Variants in SLC10A6 observed in about 807,000 individuals in gnomAD.
The protein encoded by SLC10A6 is sodium-dependent organic anion transporter.
A neutral mutation model predicts 30.0 loss-of-function variants in SLC10A6; 27 were observed. That is an observed-to-expected ratio of 0.90 (90% CI 0.66 to 1.24). The LOEUF (loss-of-function observed/expected upper bound fraction) is 1.24, where lower values mean the gene tolerates loss of function less well. Among genes scored for constraint, SLC10A6 ranks in the 50% most tolerant of loss-of-function variants. The pLI is 0.00. For synonymous variants in SLC10A6, 166 were observed against 173.8 expected, an observed-to-expected ratio of 0.95 and a Z score of 0.36; for missense variants, 439 against 457.0, an observed-to-expected ratio of 0.96 and a Z score of 0.36.
At chr4:86,826,230 G>A (rs1458324871) in intron 4 of SLC10A6, among the ~76,000 whole-genome samples, 2 of 152,100 alleles carry the variant, frequency 1.3e-5, no homozygotes, top group South Asian at 2.1e-4. Flanking sequence ...AAAGAAAAAC[G>A]TATATATATT....
At chr4:86,846,941 C>T (rs982008266) in intron 1 of SLC10A6, among the ~76,000 whole-genome samples, 5 of 152,104 alleles carry the variant, frequency 3.3e-5, no homozygotes, top group Non-Finnish European at 7.3e-5. Flanking sequence ...CATAGGTTTC[C>T]TGTTCATTGG....
At chr4:86,824,158 TATTCATTCATTC>T (rs70953605) in intron 5 of SLC10A6, among the ~76,000 whole-genome samples, 4 of 151,936 alleles carry the variant, frequency 2.6e-5, no homozygotes, top group South Asian at 2.1e-4. Flanking sequence ...CACACTCATA[TATTCATTCATTC>T]ATTCATTCAT....
At chr4:86,841,862 A>T (rs953360027) in intron 1 of SLC10A6, among the ~76,000 whole-genome samples, 3 of 152,230 alleles carry the variant, frequency 2.0e-5, no homozygotes, top group Non-Finnish European at 4.4e-5. Context: ...CTATAAGATC[A>T]TACCAACAGA....
chr4:86,842,562 C>G (rs1417713413), intron 1 of SLC10A6, among the ~76,000 whole-genome samples: 1 of 152,092 alleles, frequency 6.6e-6, no homozygotes, highest in Non-Finnish European at 1.5e-5. Flanking sequence ...TATGATGGCG[C>G]ATGCCTATAG....
chr4:86,825,705 G>T, intron 4 of SLC10A6, 128 bp from the exon 5 acceptor site: 4 of 1,016,386 alleles, frequency 3.9e-6, no homozygotes, highest in Non-Finnish European at 5.4e-6. Context: ...TCATTCCATA[G>T]TTATTTGCTG....
intron 2 of SLC10A6, among the ~76,000 whole-genome samples, chr4:86,832,610 AC>A (rs1746099716): frequency 6.6e-6 from 1 of 152,090 alleles, no homozygotes; most frequent in African/African-American, 2.4e-5. Context: ...AAACAAAAAA[AC>A]ATAGTGCCTA....
intron 5 of SLC10A6, among the ~76,000 whole-genome samples, chr4:86,825,028 T>C (rs868719429): frequency 6.6e-6 from 1 of 152,200 alleles, no homozygotes; most frequent in African/African-American, 2.4e-5. Context: ...TTGAAATAAC[T>C]TGGCATTTGG....
At chr4:86,842,852 TTCTTTCTTTCTTTCTTTCTTTC>T in intron 1 of SLC10A6, among the ~76,000 whole-genome samples, 7 of 48,788 alleles carry the variant, frequency 1.4e-4, no homozygotes, top group African/African-American at 3.7e-4. Context: ...CTTTCTTTCT[TTCTTTCTTTCTTTCTTTCTTTC>T]TTTTTTTTTT....
Position 86,842,847 on chromosome 4 carries a change from TTTCTTTCTTTCTTTCTTTCTTTCTTTC to T in SLC10A6, c.377+5865_377+5891del, listed in dbSNP as rs1746323038. Among the ~76,000 whole-genome samples the T allele has an allele frequency of 9.3e-5, 5 of 53,850 alleles. 1 individual carries two copies. Among genetic ancestry groups the T allele is most frequent in the Admixed American group, 1.7e-4 (1 of 5,824 alleles). The allele number at this position is 53,850 out of a possible 152,430, so 35.3% of individuals were successfully genotyped here. A position where few individuals can be genotyped will look rare whatever the true frequency, so the allele number is the denominator to read the frequency against. On this transcript the variant is annotated intron_variant, in intron 1 of 5. Transcript: ENST00000273905. ...CTTTCTTTCTTTCTTTCTTTCTTTC[TTTCTTTCTTTCTTTCTTTCTTTCTTTC>T]TTTTTTTTTTTGAGATGGAGTCTCG...
At chr4:86,832,017 GC>G in intron 2 of SLC10A6, 137 bp from the exon 3 acceptor site, 1 of 706,078 alleles carries the variant, frequency 1.4e-6, no homozygotes, top group Non-Finnish European at 2.4e-6. Flanking sequence ...CTGGATAAAT[GC>G]CTACAATATT....
chr4:86,837,345 G>T (rs1746219622), intron 1 of SLC10A6, among the ~76,000 whole-genome samples: 1 of 149,954 alleles, frequency 6.7e-6, no homozygotes, highest in African/African-American at 2.5e-5. Context: ...AAGGAAGGAA[G>T]GCAGGCAGGC....
At chr4:86,844,524 G>A (rs936328133) in intron 1 of SLC10A6, among the ~76,000 whole-genome samples, 1 of 152,178 alleles carries the variant, frequency 6.6e-6, no homozygotes, top group Non-Finnish European at 1.5e-5. Flanking sequence ...GTCTGCATTG[G>A]CCAATGGAAT....
intron 1 of SLC10A6, 98 bp from the exon 2 acceptor site, chr4:86,833,522 T>A: frequency 1.2e-6 from 1 of 818,698 alleles, no homozygotes; most frequent in Non-Finnish European, 2.1e-6. Context: ...TTCCTAGAGA[T>A]TACATGGACT....
intron 2 of SLC10A6, among the ~76,000 whole-genome samples, chr4:86,832,751 G>A (rs1431158710): frequency 6.6e-6 from 1 of 152,064 alleles, no homozygotes; most frequent in Non-Finnish European, 1.5e-5. Context: ...ATTCAGAAGA[G>A]GAGATAATGA....
rs147971672 is a variant in SLC10A6, at chr4:86,841,959, G to C, written c.377+6780C>G. ...GTCTGCTGCCTTCCAATAATAATGA[G>C]TATTTATTGAGCACTATGTGCTAGG... On this transcript the variant is annotated intron_variant, in intron 1 of 5. Coordinates refer to ENST00000273905, the MANE Select transcript of SLC10A6 (RefSeq NM_197965.3). Among the ~76,000 whole-genome samples, 4 of 152,160 alleles carry C rather than the reference G, an allele frequency of 2.6e-5. No individual in the cohort carries two copies. In the East Asian group the frequency reaches 7.7e-4, roughly 29 times the overall value.
chr4:86,837,255 G>T (rs1746205256), intron 1 of SLC10A6, among the ~76,000 whole-genome samples: 1 of 117,762 alleles, frequency 8.5e-6, no homozygotes, highest in Non-Finnish European at 1.7e-5. Flanking sequence ...AAGAAAGAAA[G>T]AAAGAAAGAA....
chr4:86,828,938 C>T, intron 3 of SLC10A6, among the ~76,000 whole-genome samples: 1 of 152,114 alleles, frequency 6.6e-6, no homozygotes, highest in East Asian at 1.9e-4. Flanking sequence ...TACCTAGTTA[C>T]AGTGTCAACC....
intron 1 of SLC10A6, among the ~76,000 whole-genome samples, chr4:86,840,631 T>C (rs1483683592): frequency 6.6e-6 from 1 of 152,206 alleles, no homozygotes; most frequent in Non-Finnish European, 1.5e-5. Context: ...TGCAAGTGTG[T>C]CAATATAATC....
At chr4:86,838,678 TTTG>T (rs560075872) in intron 1 of SLC10A6, among the ~76,000 whole-genome samples, 47 of 151,850 alleles carry the variant, frequency 3.1e-4, no homozygotes, top group Admixed American at 4.6e-4. Flanking sequence ...ATCCCAGCAC[TTTG>T]GGAGGCCAAG....
Sources: allele counts gnomAD v4.1 joint callset (sites outside exome capture counted in the v4.1 genomes callset), GRCh38; gene constraint gnomAD v4.1.1; transcripts MANE v1.5; gene names NCBI Gene and HGNC (gene_info 2026-07-23, HGNC 2026-07-21).